Variants in MON2 observed in about 807,000 individuals in gnomAD.
MON2 encodes MON2 regulator of endosome-to-Golgi trafficking.
Under a neutral mutation model 208.6 loss-of-function variants are expected in MON2, and 84 were observed. The observed-to-expected ratio is 0.40, with a 90% CI of 0.34 to 0.48. MON2 has a LOEUF of 0.48. Among genes scored for constraint, MON2 ranks in the 20% least tolerant of loss-of-function variants. MON2 has a pLI of 0.59. For synonymous variants in MON2, 660 were observed against 694.0 expected (o/e 0.95, Z 0.77); for missense variants, 1,611 against 2,015.4 (o/e 0.80, Z 3.84).
intron 9 of MON2, 58 bp downstream of exon 9, chr12:62,524,697 C>G: frequency 2.0e-6 from 3 of 1,511,192 alleles, no homozygotes; most frequent in Non-Finnish European, 2.7e-6. Context: ...AACCTGTAAA[C>G]TAACCTATAA....
chr12:62,578,364 C>T (rs2074868878), intron 30 of MON2, 81 bp from the exon 31 acceptor site: 2 of 904,566 alleles, frequency 2.2e-6, no homozygotes. Context: ...AATTTTTTGA[C>T]ATTTGAATAC....
At chr12:62,522,537 C>T (rs899373992) in intron 8 of MON2, among the ~76,000 whole-genome samples, 5 of 152,150 alleles carry the variant, frequency 3.3e-5, no homozygotes, top group East Asian at 1.9e-4. Context: ...TGTCTCTTGA[C>T]GTTTAGATAA....
intron 5 of MON2, 96 bp downstream of exon 5, chr12:62,499,144 T>A (rs2070700811): frequency 1.6e-6 from 2 of 1,229,236 alleles, no homozygotes; most frequent in Non-Finnish European, 2.2e-6. Flanking sequence ...AACATTATTA[T>A]GTCTATAATG....
At chr12:62,475,820 G>A (rs924807590) in intron 1 of MON2, among the ~76,000 whole-genome samples, 1 of 151,354 alleles carries the variant, frequency 6.6e-6, no homozygotes, top group African/African-American at 2.4e-5. Flanking sequence ...GACCAGCCTG[G>A]CCAATGTGGT....
rs1392145173 is a variant in MON2, at chr12:62,519,116, G to A, written c.985-5399G>A. On this transcript the variant is annotated intron_variant, in intron 8 of 34. Coordinates refer to ENST00000393630, the MANE Select transcript of MON2 (RefSeq NM_015026.3). ...TATTACTTTTTTTGCAACAGGAAGTGGTCATTTAATAAATAACCATGTGGA... is the reference window on the plus strand; with the variant it reads ...TATTACTTTTTTTGCAACAGGAAGTAGTCATTTAATAAATAACCATGTGGA... Among the ~76,000 whole-genome samples, 4 of 152,232 alleles carry A rather than the reference G, an allele frequency of 2.6e-5. No homozygotes were observed. In the East Asian group the frequency reaches 7.7e-4, roughly 29 times the overall value.
rs4405369 is a variant in MON2 at position 62,524,390 on chromosome 12, G to C, written c.985-125G>C. On this transcript the variant is annotated intron_variant, in intron 8 of 34. Coordinates refer to ENST00000393630, the MANE Select transcript of MON2 (RefSeq NM_015026.3). ...TCTCTGTTTCTCCACTCCCCATTAA[G>C]AGTTTGATTTCTAATCTAAAAGATT... 74,651 of 680,988 alleles carry C rather than the reference G, an allele frequency of 0.11. 4,878 individuals are homozygous for C. The highest frequency in any genetic ancestry group is 0.14 in the African/African-American group (7,975 of 55,484). 42.2% of individuals were successfully genotyped at this position (680,988 alleles called of 1,614,324 possible).
chr12:62,535,401 A>G, intron 13 of MON2, 124 bp from the exon 14 acceptor site: 2 of 752,008 alleles, frequency 2.7e-6, no homozygotes, highest in Non-Finnish European at 4.0e-6. Context: ...GTATATTGGT[A>G]ATATTTTGAC....
At chr12:62,588,347 A>G (rs1305018985) in intron 34 of MON2, among the ~76,000 whole-genome samples, 191 bp downstream of exon 34, 1 of 150,044 alleles carries the variant, frequency 6.7e-6, no homozygotes, top group Admixed American at 6.7e-5. Context: ...TGATGTTTTC[A>G]TTTTTTATGA....
chr12:62,578,263 T>C (rs2074863316), intron 30 of MON2, among the ~76,000 whole-genome samples, 182 bp from the exon 31 acceptor site: 1 of 152,196 alleles, frequency 6.6e-6, no homozygotes, highest in Non-Finnish European at 1.5e-5. Flanking sequence ...ATCATGTTTG[T>C]AATTAGCTTA....
At chr12:62,499,302 A>G (rs1003811900) in intron 5 of MON2, among the ~76,000 whole-genome samples, 6 of 152,198 alleles carry the variant, frequency 3.9e-5, no homozygotes, top group Admixed American at 2.0e-4. Flanking sequence ...TGTATTTTTT[A>G]ACCAAACATT....
intron 1 of MON2, among the ~76,000 whole-genome samples, chr12:62,475,423 A>G (rs1023710180): frequency 1.3e-5 from 2 of 151,406 alleles, no homozygotes; most frequent in East Asian, 3.9e-4. Context: ...TTTTGGTAGA[A>G]TATTTTCAGT....
At chr12:62,564,649 A>G (rs2074313242) in intron 26 of MON2, among the ~76,000 whole-genome samples, 1 of 152,158 alleles carries the variant, frequency 6.6e-6, no homozygotes, top group Non-Finnish European at 1.5e-5. Context: ...GTTTTCTTAT[A>G]TTAAAATATT....
chr12:62,537,291 T>C, intron 15 of MON2, 28 bp downstream of exon 15: 1 of 1,482,948 alleles, frequency 6.7e-7, no homozygotes, highest in South Asian at 1.2e-5. Context: ...TTCTTGGTTA[T>C]CAATTAGCTA....
intron 4 of MON2, 35 bp from the exon 5 acceptor site, chr12:62,498,884 T>C: frequency 1.3e-6 from 2 of 1,558,482 alleles, no homozygotes; most frequent in Non-Finnish European, 1.7e-6. Context: ...TGCTTTTCAA[T>C]CTTATTTCAC....
chr12:62,474,724 A>T (rs1245536556), intron 1 of MON2, among the ~76,000 whole-genome samples: 4 of 152,182 alleles, frequency 2.6e-5, no homozygotes, highest in African/African-American at 9.7e-5. Context: ...GCGGCCAGCC[A>T]GATAGAACTT....
chr12:62,524,806 G>A (rs2072250839), intron 9 of MON2, among the ~76,000 whole-genome samples, 167 bp downstream of exon 9: 1 of 152,176 alleles, frequency 6.6e-6, no homozygotes, highest in African/African-American at 2.4e-5. Flanking sequence ...AGGACGGGTA[G>A]GGCGTGTAGA....
rs2072510555 is a variant in MON2, at chr12:62,529,417, T to C, written c.1401-3021T>C. On this transcript the variant is annotated intron_variant, in intron 11 of 34. Transcript: ENST00000393630. ...ATTTGCTCAGTGAATGATCACTATA[T>C]ATAGATGTTCTTATTATGTTTTTTT... is the stretch of plus-strand genomic sequence containing the variant. Among the ~76,000 whole-genome samples the C allele has an allele frequency of 2.0e-5, 3 of 152,320 alleles. No individual in the cohort carries two copies. In the South Asian group the frequency reaches 6.2e-4, roughly 32 times the overall value.
intron 11 of MON2, 24 bp downstream of exon 11, chr12:62,526,126 A>G: frequency 6.2e-7 from 1 of 1,603,858 alleles, no homozygotes; most frequent in Non-Finnish European, 8.5e-7. Flanking sequence ...GCATTATTTT[A>G]TAAGGAATGA....
intron 11 of MON2, among the ~76,000 whole-genome samples, chr12:62,532,229 G>T (rs1299950843): frequency 6.6e-6 from 1 of 152,246 alleles, no homozygotes; most frequent in African/African-American, 2.4e-5. Context: ...ATTAGTTATG[G>T]CAGTGGTCAG....
Sources: gnomAD v4.1 joint callset for allele counts (sites outside exome capture counted in the v4.1 genomes callset) on GRCh38, gnomAD v4.1.1 for gene constraint, MANE v1.5 for transcripts, NCBI Gene and HGNC (gene_info 2026-07-23, HGNC 2026-07-21) for gene names.